STAB2: variants seen among roughly 807,000 people sequenced by gnomAD.
STAB2 encodes stabilin 2, also known as stabilin-2.
A neutral mutation model predicts 338.1 loss-of-function variants in STAB2; 288 were observed. The ratio of observed to expected loss-of-function variants is 0.85; its 90% CI spans 0.77 to 0.94. The LOEUF (loss-of-function observed/expected upper bound fraction) is 0.94. Ranked by LOEUF, STAB2 falls within the 40% of genes least tolerant of loss-of-function variation. The pLI is 0.00. For missense variants in STAB2, 3,141 were observed against 3,210.1 expected, an observed-to-expected ratio of 0.98 and a Z score of 0.52; for synonymous variants, 1,202 against 1,193.3, an observed-to-expected ratio of 1.01 and a Z score of -0.15.
chr12:103,713,216 A>G (rs867110808), intron 41 of STAB2, among the ~76,000 whole-genome samples: 17 of 152,356 alleles, frequency 1.1e-4, no homozygotes, highest in South Asian at 4.1e-4. Flanking sequence ...AGAATTCAAT[A>G]AATGCAAGCT....
At chr12:103,698,448 G>T (rs1233844322) in intron 33 of STAB2, among the ~76,000 whole-genome samples, 1 of 152,064 alleles carries the variant, frequency 6.6e-6, no homozygotes, top group African/African-American at 2.4e-5. Flanking sequence ...GGGCAGGAAG[G>T]ACCCTAAAAC....
At chr12:103,748,500 A>T (rs767140712) in intron 58 of STAB2, among the ~76,000 whole-genome samples, 1 of 152,000 alleles carries the variant, frequency 6.6e-6, no homozygotes, top group Non-Finnish European at 1.5e-5. Flanking sequence ...CAGGTCAGTT[A>T]AGCTGAGTCT....
In STAB2 at chr12:103,745,185, C is replaced by A; in HGVS notation, c.6044C>A (p.Ser2015Ter). The change falls in exon 57 of 69, where the codon TCA becomes TAA. Residue 2015 changes from serine (S) to a stop codon, truncating the protein, a stop_gained. Transcript: ENST00000388887. LOFTEE classifies it high-confidence loss of function. ...FGPDCLPCGC[S>*]DHGQCDDGIT... is the part of the protein sequence containing the mutation. ...AATTTGTTTACAGCCTGTGGCTGCT[C>A]AGACCACGGACAGTGCGATGATGGC... 6.2e-7 allele frequency: 1 copy of A among 1,612,956 alleles called. No individual in the cohort carries two copies. Among genetic ancestry groups the A allele is most frequent in the South Asian group, 1.1e-5 (1 of 90,914 alleles).
intron 2 of STAB2, among the ~76,000 whole-genome samples, chr12:103,591,918 G>A (rs1035954440): frequency 2.6e-5 from 4 of 152,096 alleles, no homozygotes; most frequent in Non-Finnish European, 5.9e-5. Flanking sequence ...AGTACTCAAT[G>A]AGTTTGCTTT....
rs749276681 is a variant in STAB2, at chr12:103,655,631, A to G, written c.1734+50A>G. 4 of 1,604,800 alleles carry G rather than the reference A, an allele frequency of 2.5e-6. No homozygotes were observed. The South Asian group carries it at 4.5e-5, about 18-fold the overall frequency. ...GGCATCGTGTCAGCAGCACTGCCTC[A>G]GTCTGTGTCTAAACAGGTTTTTCCT... is the stretch of plus-strand genomic sequence containing the variant. On this transcript the variant is annotated intron_variant, in intron 15 of 68. Transcript: ENST00000388887.
intron 7 of STAB2, 103 bp from the exon 8 acceptor site, chr12:103,637,913 T>C: frequency 1.3e-5 from 15 of 1,188,528 alleles, no homozygotes; most frequent in Non-Finnish European, 1.7e-5. Flanking sequence ...CTTTGAAAAC[T>C]GTGAGTTGCC....
rs368817569 is a variant in STAB2 at position 103,666,350 on chromosome 12, C to T, written c.2082C>T (p.Pro694=). 24 of 1,614,050 alleles carry T rather than the reference C, an allele frequency of 1.5e-5. No homozygotes were observed. Among genetic ancestry groups the T allele is most frequent in the Non-Finnish European group, 2.0e-5 (24 of 1,180,024 alleles). The part of the protein sequence containing the change: ...YWSRCPANSE[P]TALFTHRCVY... ...GCAGATGTCCTGCTAACTCTGAGCC[C>T]ACAGTGAGTGTGACAGCTTCATGAA... is the stretch of plus-strand genomic sequence containing the variant. Residue 694 remains proline (P), a synonymous_variant, in exon 19 of 69, where the codon CCC becomes CCT. Transcript: ENST00000388887.
chr12:103,646,878 A>G (rs891720942), intron 9 of STAB2, among the ~76,000 whole-genome samples: 45 of 152,144 alleles, frequency 3.0e-4, no homozygotes, highest in Non-Finnish European at 5.1e-4. Context: ...GTTGTGATAG[A>G]GGTATCGATG....
intron 9 of STAB2, among the ~76,000 whole-genome samples, chr12:103,640,832 A>G (rs1013277542): frequency 6.6e-6 from 1 of 152,266 alleles, no homozygotes; most frequent in Non-Finnish European, 1.5e-5. Flanking sequence ...TACCAGATGC[A>G]TGACCAAGGA....
chr12:103,660,604 T>C (rs1476336331), intron 16 of STAB2, 79 bp from the exon 17 acceptor site: 4 of 1,492,162 alleles, frequency 2.7e-6, no homozygotes, highest in Non-Finnish European at 3.7e-6. Context: ...AACCTATTTT[T>C]TCTAGTGAGG....
chr12:103,637,051 G>A (rs1957558109), intron 6 of STAB2, 60 bp from the exon 7 acceptor site: 1 of 1,507,352 alleles, frequency 6.6e-7, no homozygotes, highest in Non-Finnish European at 8.8e-7. Flanking sequence ...ACTGCAGTTT[G>A]GGGGTCTTAA....
chr12:103,761,524 G>GGAA, intron 66 of STAB2, 114 bp downstream of exon 66: 3 of 926,946 alleles, frequency 3.2e-6, no homozygotes, highest in South Asian at 1.6e-5. Context: ...AGAGACTGGA[G>GGAA]GAGCCTCCAG....
chr12:103,724,823 G>A, intron 44 of STAB2, 152 bp from the exon 45 acceptor site: 1 of 1,401,670 alleles, frequency 7.1e-7, no homozygotes, highest in Non-Finnish European at 9.6e-7. Flanking sequence ...GGAATTGGAA[G>A]GCAAGCTCAG....
chr12:103,704,614 A>G lies in STAB2; in HGVS notation c.3900A>G (p.Leu1300=). Residue 1300 remains leucine, a splice_region_variant and synonymous_variant, in exon 36 of 69, where the codon CTA becomes CTG. Coordinates refer to ENST00000388887, the MANE Select transcript of STAB2 (RefSeq NM_017564.10). ...CCTGCCCATTCGGAACTAAATCTCTAGTAAGTACTTTGTCTGTTTTGATAA... is the reference window on the plus strand; with the variant it reads ...CCTGCCCATTCGGAACTAAATCTCTGGTAAGTACTTTGTCTGTTTTGATAA... ...ELTCPFGTKS[L]GNEKRRCIYT... 3 of 1,613,748 alleles carry G rather than the reference A, an allele frequency of 1.9e-6. No individual in the cohort carries two copies. The highest frequency in any genetic ancestry group is 2.5e-6 in the Non-Finnish European group (3 of 1,179,850).
intron 26 of STAB2, among the ~76,000 whole-genome samples, chr12:103,683,950 G>A (rs1012906834): frequency 6.6e-6 from 1 of 152,170 alleles, no homozygotes; most frequent in Non-Finnish European, 1.5e-5. Flanking sequence ...AATTTGCTGG[G>A]AGGACCCCCA....
intron 53 of STAB2, 147 bp from the exon 54 acceptor site, chr12:103,739,265 C>T: frequency 1.5e-6 from 1 of 661,720 alleles, no homozygotes. Context: ...GTGTCAGCCA[C>T]CATGCCTGGC....
chr12:103,729,465 T>G (rs1022704459), intron 48 of STAB2, among the ~76,000 whole-genome samples: 6 of 152,244 alleles, frequency 3.9e-5, no homozygotes, highest in Admixed American at 2.0e-4. Context: ...GATTTCTGTA[T>G]GCAGGCACTT....
intron 40 of STAB2, 65 bp downstream of exon 40, chr12:103,711,581 C>T (rs1435454864): frequency 2.6e-6 from 4 of 1,564,254 alleles, no homozygotes; most frequent in African/African-American, 2.7e-5. Context: ...ATTGTCTACC[C>T]TAGTCTCTAT....
chr12:103,725,714 G>C (rs73189900), intron 45 of STAB2, among the ~76,000 whole-genome samples: 6,172 of 152,260 alleles, frequency 0.041, 185 homozygotes, highest in Admixed American at 0.088. Flanking sequence ...GATATTTGCA[G>C]CTTTCTATTA....
Sources: allele counts gnomAD v4.1 joint callset (sites outside exome capture counted in the v4.1 genomes callset), GRCh38; gene constraint gnomAD v4.1.1; transcripts MANE v1.5; gene names NCBI Gene and HGNC (gene_info 2026-07-23, HGNC 2026-07-21).